Variants in GPR160 observed in about 807,000 individuals in gnomAD.
GPR160 encodes the protein probable G protein-coupled receptor 160.
Under a neutral mutation model 2.6 loss-of-function variants are expected in GPR160, and 2 were observed. That is an observed-to-expected ratio of 0.77 (90% CI 0.32 to 2.44). The LOEUF (loss-of-function observed/expected upper bound fraction) is 2.44. Ranked by LOEUF, GPR160 falls within the 30% of genes most tolerant of loss-of-function variation. The probability of loss-of-function intolerance (pLI) is 0.11; values close to 1 mark genes in which losing one functional copy is unlikely to be tolerated. For synonymous variants in GPR160, 130 were observed against 132.2 expected (o/e 0.98, Z 0.12); for missense variants, 351 against 383.6 (o/e 0.91, Z 0.71).
rs1409620656 is a variant in GPR160 at position 170,038,033 on chromosome 3, T to C, written c.-504T>C. 1.3e-5 allele frequency: 2 copies of C among 152,184 alleles called. No individual in the cohort carries two copies. Among genetic ancestry groups the C allele is most frequent in the Admixed American group, 1.3e-4 (2 of 15,268 alleles). 9.4% of individuals were successfully genotyped at this position (152,184 alleles called of 1,614,324 possible). ...TGGAGCCGGCTGAGCCACAGCAGGGTCGCCGCGGGGTCCCGGGGCCGTGCT... is the reference window on the plus strand; with the variant it reads ...TGGAGCCGGCTGAGCCACAGCAGGGCCGCCGCGGGGTCCCGGGGCCGTGCT... On this transcript the variant is annotated 5_prime_UTR_variant, in exon 1 of 4. Transcript: ENST00000355897. This position sits in a 1 kb window ranked among gnomAD's most constrained non-coding sequence, Gnocchi z 5.3.
intron 2 of GPR160, among the ~76,000 whole-genome samples, chr3:170,075,938 T>A (rs527490413): frequency 6.6e-6 from 1 of 152,340 alleles, no homozygotes; most frequent in South Asian, 2.1e-4. Flanking sequence ...AATTCTTGGT[T>A]ATGTTCTACC....
At chr3:170,066,568 G>T (rs941221406) in intron 2 of GPR160, among the ~76,000 whole-genome samples, 1 of 152,148 alleles carries the variant, frequency 6.6e-6, no homozygotes, top group Non-Finnish European at 1.5e-5. Context: ...TTTTAAAAGA[G>T]AGCTGCATAG....
chr3:170,071,663 G>A (rs1015185132), intron 2 of GPR160, among the ~76,000 whole-genome samples: 1 of 152,166 alleles, frequency 6.6e-6, no homozygotes, highest in African/African-American at 2.4e-5. Context: ...GGGCATGGTG[G>A]TACATGCCTG....
At chr3:170,059,211 A>G (rs1711813015) in intron 2 of GPR160, among the ~76,000 whole-genome samples, 1 of 152,256 alleles carries the variant, frequency 6.6e-6, no homozygotes, top group African/African-American at 2.4e-5. Context: ...TAAATATTTT[A>G]CATATTCAAT....
intron 3 of GPR160, chr3:170,083,327 TTC>T: frequency 6.6e-6 from 1 of 152,330 alleles, no homozygotes; most frequent in Admixed American, 6.5e-5. Context: ...ATAAACACTT[TTC>T]TTTCTTTCCT....
intron 2 of GPR160, among the ~76,000 whole-genome samples, chr3:170,043,540 C>A (rs1272735440): frequency 6.6e-6 from 1 of 152,110 alleles, no homozygotes; most frequent in Non-Finnish European, 1.5e-5. Context: ...GTCCATTTTG[C>A]AAATGGAAGT....
At chr3:170,044,525 G>A (rs1373992919) in intron 2 of GPR160, among the ~76,000 whole-genome samples, 1 of 152,018 alleles carries the variant, frequency 6.6e-6, no homozygotes, top group East Asian at 1.9e-4. Context: ...AGTAGGTGTG[G>A]GCAGGCCTCA....
intron 2 of GPR160, among the ~76,000 whole-genome samples, chr3:170,076,113 G>A (rs12636119): frequency 1.6e-4 from 24 of 152,276 alleles, no homozygotes; most frequent in African/African-American, 5.8e-4. Flanking sequence ...TATAGTGGTT[G>A]TATCTAGGGA....
intron 2 of GPR160, chr3:170,057,282 T>A (rs1711695223): frequency 6.6e-6 from 1 of 152,136 alleles, no homozygotes; most frequent in Admixed American, 6.5e-5. Context: ...AACTCAGGTT[T>A]TTTAGAATAA....
chr3:170,083,763 A>T, intron 3 of GPR160, 142 bp from the exon 4 acceptor site: 1 of 390,718 alleles, frequency 2.6e-6, no homozygotes, highest in East Asian at 3.8e-5. Flanking sequence ...TCTGTATTCT[A>T]TTAAGTATTA....
rs188762385 is a variant in GPR160, at chr3:170,061,550, T to C, written c.-192-18224T>C. Reference sequence around the variant, plus strand: ...ATACTATATAATTTGATTTCATAGATAAAATGATGGTATCATAGTTATGAA... The same window carrying C: ...ATACTATATAATTTGATTTCATAGACAAAATGATGGTATCATAGTTATGAA... On this transcript the variant is annotated intron_variant, in intron 2 of 3. Transcript: ENST00000355897. 4.6e-3 allele frequency among the ~76,000 whole-genome samples: 698 copies of C among 152,210 alleles called. 1 individual carries two copies. The highest frequency in any genetic ancestry group is 7.9e-3 in the Non-Finnish European group (538 of 68,004).
intron 2 of GPR160, among the ~76,000 whole-genome samples, chr3:170,039,454 A>G (rs768209390): frequency 6.6e-6 from 1 of 152,168 alleles, no homozygotes; most frequent in Non-Finnish European, 1.5e-5. Context: ...CACACCTGTA[A>G]TCCCAGCACT....
chr3:170,070,765 A>G (rs17406322), intron 2 of GPR160, among the ~76,000 whole-genome samples: 56,575 of 152,028 alleles, frequency 0.37, 11,502 homozygotes, highest in East Asian at 0.69. Flanking sequence ...ATGAGAAGGA[A>G]CATTTGTTTA....
chr3:170,081,294 T>C (rs1436819727), intron 3 of GPR160, among the ~76,000 whole-genome samples: 1 of 152,200 alleles, frequency 6.6e-6, no homozygotes, highest in East Asian at 1.9e-4. Flanking sequence ...GCAGCTACAT[T>C]TCTGTGCCCT....
At chr3:170,061,746 ATGTTCCTTCTGCT>A (rs1711970576) in intron 2 of GPR160, among the ~76,000 whole-genome samples, 1 of 152,124 alleles carries the variant, frequency 6.6e-6, no homozygotes, top group Non-Finnish European at 1.5e-5. Flanking sequence ...ATGGTTTTTT[ATGTTCCTTCTGCT>A]TGTTCCATAT....
intron 2 of GPR160, among the ~76,000 whole-genome samples, chr3:170,068,678 CTGT>C: frequency 6.6e-6 from 1 of 151,892 alleles, no homozygotes. Flanking sequence ...TTTTTGTTTT[CTGT>C]TGTTATTATA....
chr3:170,048,753 C>A (rs530852005), intron 2 of GPR160, among the ~76,000 whole-genome samples: 1 of 152,218 alleles, frequency 6.6e-6, no homozygotes, highest in Admixed American at 6.5e-5. Context: ...TTCTCACCAA[C>A]CAGTTGCTGT....
chr3:170,050,016 C>G (rs1716883967), intron 2 of GPR160: 1 of 151,962 alleles, frequency 6.6e-6, no homozygotes, highest in African/African-American at 2.4e-5. Context: ...GACCAGGAAC[C>G]TGATATTAAG....
intron 2 of GPR160, among the ~76,000 whole-genome samples, chr3:170,059,986 G>A (rs1711858209): frequency 6.6e-6 from 1 of 152,098 alleles, no homozygotes; most frequent in Non-Finnish European, 1.5e-5. Context: ...AGACTCCTGA[G>A]ATGGTAGCTT....
Sources: allele counts gnomAD v4.1 joint callset (sites outside exome capture counted in the v4.1 genomes callset), GRCh38; gene constraint gnomAD v4.1.1; non-coding constraint Gnocchi (gnomAD v3.1); transcripts MANE v1.5; gene names NCBI Gene and HGNC (gene_info 2026-07-23, HGNC 2026-07-21).